The following LARS1 variants were observed in gnomAD, a reference collection of about 807,000 sequenced individuals.
The protein encoded by LARS1 is leucine--tRNA ligase, cytoplasmic.
Under a neutral mutation model 162.8 loss-of-function variants are expected in LARS1, and 100 were observed. The observed-to-expected ratio is 0.61, with a 90% CI of 0.52 to 0.73. The LOEUF is 0.73. Among genes scored for constraint, LARS1 ranks in the 30% least tolerant of loss-of-function variants. LARS1 has a pLI of 0.00. For synonymous variants in LARS1, 457 were observed against 462.8 expected (o/e 0.99, Z 0.16); for missense variants, 1,258 against 1,408.9 (o/e 0.89, Z 1.71).
intron 12 of LARS1, among the ~76,000 whole-genome samples, chr5:146,153,495 A>G (rs531026307): frequency 1.4e-4 from 22 of 152,354 alleles, no homozygotes; most frequent in African/African-American, 5.1e-4. Flanking sequence ...TATCACTTAA[A>G]TTGAGGTTCA....
In LARS1 at chr5:146,143,009, T is replaced by C. The variant is rs756618995; in HGVS notation, c.1953A>G (p.Ala651=). The C allele has an allele frequency of 7.4e-6, 12 of 1,614,076 alleles. No homozygotes were observed. The South Asian group carries it at 9.9e-5, about 13-fold the overall frequency. Residue 651 remains alanine (A), a synonymous_variant, in exon 20 of 32, where the codon GCA becomes GCG. Transcript: ENST00000394434. ...KEAPFPKTQI[A]KEKLDQLKQE... ...GCTTTAACTGATCTAATTTTTCCTT[T>C]GCAATCTGAGTCTTAGGAAATGGAG...
chr5:146,130,168 T>C lies in LARS1; in HGVS notation c.2488-10A>G. ...ACTTATCTTTTGCGGCCTATAAAAT[T>C]TGAAATTATTTACCATTTCCCTCAC... is the stretch of plus-strand genomic sequence containing the variant. On this transcript the variant is annotated splice_polypyrimidine_tract_variant and intron_variant, in intron 24 of 31. Coordinates refer to ENST00000394434, the MANE Select transcript of LARS1 (RefSeq NM_020117.11). The C allele has an allele frequency of 6.2e-7, 1 of 1,610,748 alleles. No individual in the cohort carries two copies.
At chr5:146,168,381 A>C (rs1459315347) in intron 4 of LARS1, 116 bp from the exon 5 acceptor site, 2 of 1,066,066 alleles carry the variant, frequency 1.9e-6, no homozygotes, top group Non-Finnish European at 2.7e-6. Context: ...ATATATTGAT[A>C]CCTATGTGGC....
intron 30 of LARS1, among the ~76,000 whole-genome samples, chr5:146,122,107 C>G (rs1459169653): frequency 6.6e-6 from 1 of 152,110 alleles, no homozygotes; most frequent in Non-Finnish European, 1.5e-5. Flanking sequence ...TTATACAAAA[C>G]AGCCTTGAAT....
At chr5:146,123,549 T>C (rs1395060611) in intron 29 of LARS1, among the ~76,000 whole-genome samples, 1 of 151,606 alleles carries the variant, frequency 6.6e-6, no homozygotes, top group Non-Finnish European at 1.5e-5. Context: ...CCATAATATA[T>C]CATGAACCAA....
At chr5:146,135,209 A>T (rs1283612488) in intron 22 of LARS1, among the ~76,000 whole-genome samples, 2 of 146,132 alleles carry the variant, frequency 1.4e-5, no homozygotes, top group South Asian at 4.4e-4. Context: ...TTGAGACAGG[A>T]TTTCACCATG....
chr5:146,138,986 T>A, intron 21 of LARS1: 1 of 382,164 alleles, frequency 2.6e-6, no homozygotes, highest in South Asian at 2.0e-5. Flanking sequence ...ATCGGAGTGA[T>A]GCTGTACCCC....
chr5:146,130,131 C>T lies in LARS1; in HGVS notation c.2515G>A (p.Ala839Thr), dbSNP rs751652832. ...AGTTCTCTGTGCATCCCTTCCACAG[C>T]CAATTCACGGTACTTATCTTTTGCG... ...QAAKDKYREL[A>T]VEGMHRELVF... Residue 839 changes from alanine (A) to threonine (T), a missense_variant, in exon 25 of 32, where the codon GCT (alanine) becomes ACT (threonine). Ala to Thr is a moderately conservative substitution (Grantham distance 58, BLOSUM62 0). Transcript: ENST00000394434. 34 of 1,613,636 alleles carry T rather than the reference C, an allele frequency of 2.1e-5. No individual in the cohort carries two copies. In the South Asian group the frequency reaches 2.2e-4, roughly 10 times the overall value.
At chr5:146,169,913 T>C (rs1754185734) in intron 4 of LARS1, among the ~76,000 whole-genome samples, 1 of 152,182 alleles carries the variant, frequency 6.6e-6, no homozygotes, top group Non-Finnish European at 1.5e-5. Context: ...AGGATTAACT[T>C]AATTTCACTA....
At chr5:146,144,842 G>A (rs751577331) in intron 15 of LARS1, 133 bp from the exon 16 acceptor site, 17 of 709,380 alleles carry the variant, frequency 2.4e-5, no homozygotes, top group Non-Finnish European at 3.3e-5. Context: ...TGTCTTGCCC[G>A]CCTTCCCAGG....
intron 31 of LARS1, among the ~76,000 whole-genome samples, chr5:146,116,381 C>G (rs1037125658): frequency 6.6e-5 from 10 of 152,194 alleles, no homozygotes; most frequent in African/African-American, 2.4e-4. Flanking sequence ...CACTCTTTCT[C>G]TCTGTCTAAA....
chr5:146,155,724 T>C (rs572210512), intron 10 of LARS1, among the ~76,000 whole-genome samples: 2 of 152,346 alleles, frequency 1.3e-5, no homozygotes, highest in Admixed American at 1.3e-4. Context: ...GAAACTATTT[T>C]GCAATTTATA....
chr5:146,121,062 A>G (rs1751799945), intron 30 of LARS1, among the ~76,000 whole-genome samples: 1 of 152,172 alleles, frequency 6.6e-6, no homozygotes, highest in Non-Finnish European at 1.5e-5. Flanking sequence ...ATCTTAATAG[A>G]ATACTTGAAA....
rs768440254 is a variant in LARS1, at chr5:146,142,888, T to A, written c.2074A>T (p.Met692Leu). 1 of 1,613,638 alleles carries A rather than the reference T, an allele frequency of 6.2e-7. No homozygotes were observed. The change falls in exon 20 of 32, where the codon ATG becomes TTG. Residue 692 changes from methionine (M) to leucine (L), a missense_variant. Met to Leu is a conservative substitution (Grantham distance 15, BLOSUM62 2). Transcript: ENST00000394434. ...ATCATTCACCTTTGTTCCGGCCACA[T>A]AGCCACATGATTATAAAGGTAATAT... ...LSYYLYNHVA[M>L]WPEQSDKWPT...
intron 8 of LARS1, 55 bp from the exon 9 acceptor site, chr5:146,157,850 C>T (rs1753602319): frequency 6.6e-7 from 1 of 1,521,524 alleles, no homozygotes; most frequent in South Asian, 1.1e-5. Flanking sequence ...TGCCTTAAAC[C>T]TACTAATCTA....
chr5:146,149,206 T>C (rs540818822), intron 15 of LARS1, among the ~76,000 whole-genome samples: 1 of 152,284 alleles, frequency 6.6e-6, no homozygotes, highest in Non-Finnish European at 1.5e-5. Flanking sequence ...AACAGACCAT[T>C]GTCTCTCATA....
At chr5:146,118,930 A>G (rs1019805845) in intron 31 of LARS1, among the ~76,000 whole-genome samples, 4 of 152,208 alleles carry the variant, frequency 2.6e-5, no homozygotes, top group Non-Finnish European at 5.9e-5. Flanking sequence ...TAACCCTAGT[A>G]TACTGTTGCT....
intron 28 of LARS1, among the ~76,000 whole-genome samples, chr5:146,125,457 C>T (rs1752003481): frequency 6.6e-6 from 1 of 151,990 alleles, no homozygotes. Context: ...CTACAATATG[C>T]TTAGTAGGCT....
intron 6 of LARS1, 35 bp downstream of exon 6, chr5:146,164,275 T>C: frequency 6.8e-7 from 1 of 1,462,394 alleles, no homozygotes; most frequent in Admixed American, 1.8e-5. Context: ...CACATACTTG[T>C]AAATGCTTTC....
Sources: allele counts gnomAD v4.1 joint callset (sites outside exome capture counted in the v4.1 genomes callset), GRCh38; gene constraint gnomAD v4.1.1; transcripts MANE v1.5; gene names NCBI Gene and HGNC (gene_info 2026-07-23, HGNC 2026-07-21).